LZTFL1: variants seen among roughly 807,000 people sequenced by gnomAD.
LZTFL1 encodes the protein leucine zipper transcription factor like 1, also known as leucine zipper transcription factor-like protein 1.
LZTFL1 carries 25 observed loss-of-function variants against 45.9 expected under a neutral mutation model. That is an observed-to-expected ratio of 0.54 (90% CI 0.40 to 0.76). The LOEUF (loss-of-function observed/expected upper bound fraction) is 0.76, where lower values mean the gene tolerates loss of function less well. LZTFL1 is among the 30% of genes least tolerant of loss of function. The pLI, the probability that LZTFL1 is intolerant of heterozygous loss-of-function variation, is 0.00. For synonymous variants in LZTFL1, 93 were observed against 117.4 expected (o/e 0.79, Z 1.35); for missense variants, 277 against 331.1 (o/e 0.84, Z 1.27).
chr3:45,850,001 G>A lies in LZTFL1; in HGVS notation c.-49+4985C>T, dbSNP rs558117366. Among the ~76,000 whole-genome samples, 34 of 152,272 alleles carry A rather than the reference G, an allele frequency of 2.2e-4. 1 individual carries two copies. Among genetic ancestry groups the A allele is most frequent in the African/African-American group, 7.5e-4 (31 of 41,544 alleles). On this transcript the variant is annotated intron_variant, in intron 4 of 4. Transcript: ENST00000472635. ...GGAGATAGTTGTTTTTACTAGGATC[G>A]CTGTCGTGTCCACATAAGAAGGTTC...
At chr3:45,898,628 C>A (rs906565459) in intron 2 of LZTFL1, among the ~76,000 whole-genome samples, 2 of 152,328 alleles carry the variant, frequency 1.3e-5, no homozygotes, top group African/African-American at 4.8e-5. Context: ...GTCAGATTTT[C>A]CCAGTTGTCA....
At chr3:45,903,125 C>T (rs1702609476) in intron 2 of LZTFL1, 1 of 167,018 alleles carries the variant, frequency 6.0e-6, no homozygotes, top group African/African-American at 2.4e-5. Context: ...ACTTTCTTTA[C>T]CCTGTCTCAA....
At chr3:45,884,662 C>T (rs1701934234) in intron 2 of LZTFL1, among the ~76,000 whole-genome samples, 1 of 152,128 alleles carries the variant, frequency 6.6e-6, no homozygotes, top group Non-Finnish European at 1.5e-5. Context: ...TATGCTCTTA[C>T]CTGATGAGGA....
At chr3:45,868,018 T>C (rs942327055) in intron 2 of LZTFL1, among the ~76,000 whole-genome samples, 1 of 147,244 alleles carries the variant, frequency 6.8e-6, no homozygotes, top group Admixed American at 6.8e-5. Flanking sequence ...ATGCTATATA[T>C]ATATAATGGA....
chr3:45,890,575 C>A (rs1183158611), intron 2 of LZTFL1, among the ~76,000 whole-genome samples: 1 of 151,218 alleles, frequency 6.6e-6, no homozygotes, highest in Non-Finnish European at 1.5e-5. Context: ...CAGAGGCTCA[C>A]TGGGCTTCTT....
At chr3:45,888,229 A>C (rs1375742257) in intron 2 of LZTFL1, among the ~76,000 whole-genome samples, 2 of 152,136 alleles carry the variant, frequency 1.3e-5, no homozygotes, top group Non-Finnish European at 2.9e-5. Flanking sequence ...TTCATGCCTT[A>C]GTGCATATGT....
chr3:45,835,912 G>T, intron 2 of LZTFL1, 128 bp from the exon 3 acceptor site: 1 of 567,374 alleles, frequency 1.8e-6, no homozygotes, highest in Non-Finnish European at 3.0e-6. Context: ...AATCTCTCTG[G>T]GAACTATCTT....
chr3:45,832,059 C>A (rs1377848282), intron 5 of LZTFL1, among the ~76,000 whole-genome samples: 1 of 152,052 alleles, frequency 6.6e-6, no homozygotes, highest in Non-Finnish European at 1.5e-5. Flanking sequence ...CATGGTGAAA[C>A]CCCATCTCTA....
At chr3:45,893,402 A>T (rs1702252885) in intron 2 of LZTFL1, among the ~76,000 whole-genome samples, 1 of 151,990 alleles carries the variant, frequency 6.6e-6, no homozygotes, top group Non-Finnish European at 1.5e-5. Context: ...TGATCTACCC[A>T]CCTTGGCCTC....
chr3:45,830,739 T>C (rs1700790676), intron 7 of LZTFL1, among the ~76,000 whole-genome samples, 174 bp downstream of exon 7: 1 of 152,172 alleles, frequency 6.6e-6, no homozygotes, highest in Non-Finnish European at 1.5e-5. Context: ...GGAAGGTCAC[T>C]GGTTCTCACC....
At chr3:45,872,333 G>A (rs1193376683) in intron 2 of LZTFL1, among the ~76,000 whole-genome samples, 4 of 152,160 alleles carry the variant, frequency 2.6e-5, no homozygotes, top group Non-Finnish European at 5.9e-5. Context: ...ACCCATTTAA[G>A]CTTTTGTTTA....
intron 2 of LZTFL1, chr3:45,895,177 A>G: frequency 1.7e-6 from 1 of 572,802 alleles, no homozygotes; most frequent in Non-Finnish European, 3.1e-6. Flanking sequence ...GTGGAGACAG[A>G]GGAAAATGTG....
intron 1 of LZTFL1, chr3:45,913,196 A>G: frequency 6.7e-7 from 1 of 1,493,538 alleles, no homozygotes; most frequent in East Asian, 2.5e-5. Context: ...TTATACAATT[A>G]CACAAATTAA....
At chr3:45,890,279 T>TATAAC (rs1553616516) in intron 2 of LZTFL1, among the ~76,000 whole-genome samples, 6,261 of 75,706 alleles carry the variant, frequency 0.083, 1,963 homozygotes, top group Non-Finnish European at 0.099. Flanking sequence ...AACATATATA[T>TATAAC]ATATTTATAT....
intron 2 of LZTFL1, among the ~76,000 whole-genome samples, chr3:45,907,391 C>T (rs745317630): frequency 2.0e-5 from 3 of 152,226 alleles, no homozygotes; most frequent in African/African-American, 7.2e-5. Context: ...CAGCGGCCCT[C>T]GCTCAGGCCA....
intron 2 of LZTFL1, among the ~76,000 whole-genome samples, chr3:45,910,995 T>C (rs529232423): frequency 1.3e-5 from 2 of 152,240 alleles, no homozygotes; most frequent in Admixed American, 1.3e-4. Context: ...CTGGCTGCCA[T>C]GCAGGGCCCC....
chr3:45,855,602 G>A (rs1701379864), intron 3 of LZTFL1, among the ~76,000 whole-genome samples: 1 of 152,156 alleles, frequency 6.6e-6, no homozygotes, highest in African/African-American at 2.4e-5. Context: ...TAGGAACAGA[G>A]GAAGTCAAAC....
At position 45,900,820 on chromosome 3, in the gene LZTFL1, C is replaced by T; in HGVS notation, c.-215+12300G>A. 2 of 1,611,210 alleles carry T rather than the reference C, an allele frequency of 1.2e-6. No individual in the cohort carries two copies. The highest frequency in any genetic ancestry group is 1.7e-6 in the Non-Finnish European group (2 of 1,177,888). On this transcript the variant is annotated intron_variant, in intron 2 of 4. Transcript: ENST00000472635. This position sits in a 1 kb window ranked among gnomAD's most constrained non-coding sequence, Gnocchi z 4.7. ...TGTGTCCCCTTGCAGAGCCCTATTC[C>T]TAACATGGCTGATGACTATGGCTCT... is the stretch of plus-strand genomic sequence containing the variant.
At chr3:45,848,826 AC>A (rs1482566373) in intron 4 of LZTFL1, among the ~76,000 whole-genome samples, 1 of 152,234 alleles carries the variant, frequency 6.6e-6, no homozygotes, top group African/African-American at 2.4e-5. Context: ...TATAAAATAG[AC>A]CAACCTTTAC....
Sources: gnomAD v4.1 joint callset for allele counts (sites outside exome capture counted in the v4.1 genomes callset) on GRCh38, gnomAD v4.1.1 for gene constraint, Gnocchi (gnomAD v3.1) non-coding constraint, MANE v1.5 for transcripts, NCBI Gene and HGNC (gene_info 2026-07-23, HGNC 2026-07-21) for gene names.